The following PRKAA2 variants were observed in gnomAD, a reference collection of about 807,000 sequenced individuals.
The protein encoded by PRKAA2 is protein kinase AMP-activated catalytic subunit alpha 2.
A neutral mutation model predicts 56.3 loss-of-function variants in PRKAA2; 40 were observed. The observed-to-expected ratio is 0.71, with a 90% CI of 0.55 to 0.92. The LOEUF (loss-of-function observed/expected upper bound fraction) is 0.92, where lower values mean the gene tolerates loss of function less well. Among genes scored for constraint, PRKAA2 ranks in the 40% least tolerant of loss-of-function variants. The pLI, the probability that PRKAA2 is intolerant of heterozygous loss-of-function variation, is 0.00. For missense variants in PRKAA2, 542 were observed against 686.9 expected (o/e 0.79, Z 2.36); for synonymous variants, 214 against 234.2 (o/e 0.91, Z 0.79).
At chr1:56,697,133 G>A (rs551088588) in intron 6 of PRKAA2, among the ~76,000 whole-genome samples, 1 of 149,780 alleles carries the variant, frequency 6.7e-6, no homozygotes, top group South Asian at 2.1e-4. Flanking sequence ...CCCACCCCAG[G>A]CTCCTGAGTA....
rs751033616 is a variant in PRKAA2 at position 56,707,515 on chromosome 1, G to A, written c.1461G>A (p.Gln487=). ...VEQRSGSSTP[Q]RSCSAAGLHR... Reference sequence around the variant, plus strand: ...AGAGATCTGGTTCCTCAACACCTCAGCGTTCCTGTTCTGCTGCTGGCTTAC... The same window carrying A: ...AGAGATCTGGTTCCTCAACACCTCAACGTTCCTGTTCTGCTGCTGGCTTAC... The change falls in exon 9 of 9, where the codon CAG becomes CAA. Residue 487 remains glutamine (Q), a synonymous_variant. Transcript: ENST00000371244. 3 of 1,614,030 alleles carry A rather than the reference G, an allele frequency of 1.9e-6. No individual in the cohort carries two copies. In the African/African-American group the frequency reaches 4.0e-5, roughly 22 times the overall value.
chr1:56,646,595 T>C (rs1646644676), intron 1 of PRKAA2, among the ~76,000 whole-genome samples: 1 of 152,260 alleles, frequency 6.6e-6, no homozygotes, highest in Non-Finnish European at 1.5e-5. Context: ...CAGTTGTTTA[T>C]TAAAAATACT....
At chr1:56,650,429 G>A (rs1646678140) in intron 1 of PRKAA2, among the ~76,000 whole-genome samples, 1 of 152,218 alleles carries the variant, frequency 6.6e-6, no homozygotes, top group East Asian at 1.9e-4. Flanking sequence ...CTCACTCTGG[G>A]TAGGGTAAAA....
chr1:56,655,762 A>G (rs1643936874), intron 1 of PRKAA2, among the ~76,000 whole-genome samples: 2 of 152,174 alleles, frequency 1.3e-5, no homozygotes, highest in Non-Finnish European at 2.9e-5. Context: ...TGGAGTTCGC[A>G]GTTTATCAAG....
chr1:56,702,014 C>T (rs1181988224), intron 6 of PRKAA2, among the ~76,000 whole-genome samples: 1 of 151,984 alleles, frequency 6.6e-6, no homozygotes, highest in Non-Finnish European at 1.5e-5. Context: ...TACATATCCT[C>T]AGGGCCTGGC....
chr1:56,692,406 G>A lies in PRKAA2; in HGVS notation c.379G>A (p.Val127Met). 6.2e-7 allele frequency: 1 copy of A among 1,614,072 alleles called. No homozygotes were observed. Residue 127 changes from valine (V) to methionine (M), a missense_variant, in exon 4 of 9, where the codon GTG (valine) becomes ATG (methionine). This residue lies in a region of PRKAA2 where 121 missense variants were observed against 210.0 expected (regional missense o/e 0.58). Transcript: ENST00000371244. ...RRLFQQILSA[V>M]DYCHRHMVVH... The stretch of plus-strand genomic sequence containing the variant: ...GCTCTTTCAGCAGATTCTGTCTGCT[G>A]TGGATTACTGTCATAGGCATATGGT...
chr1:56,681,285 A>G (rs1203294257), intron 2 of PRKAA2, among the ~76,000 whole-genome samples: 1 of 151,914 alleles, frequency 6.6e-6, no homozygotes, highest in Non-Finnish European at 1.5e-5. Context: ...GATTGCAAAA[A>G]TTTTCTCCCA....
chr1:56,659,200 GA>G (rs1643973095), intron 1 of PRKAA2, among the ~76,000 whole-genome samples: 1 of 151,570 alleles, frequency 6.6e-6, no homozygotes, highest in African/African-American at 2.4e-5. Context: ...AAATTTTAAA[GA>G]AGTATTTTAT....
chr1:56,697,036 G>C (rs1183957757), intron 6 of PRKAA2, among the ~76,000 whole-genome samples: 1 of 496 alleles, frequency 2.0e-3, no homozygotes. Flanking sequence ...TTAAGGCAGG[G>C]TCTCACTCTG....
intron 1 of PRKAA2, among the ~76,000 whole-genome samples, chr1:56,650,921 C>T (rs536031480): frequency 1.5e-3 from 229 of 152,160 alleles, no homozygotes; most frequent in Non-Finnish European, 2.1e-3. Context: ...AAAAGTGTTA[C>T]CTTATTTTGA....
intron 2 of PRKAA2, among the ~76,000 whole-genome samples, chr1:56,684,509 A>G (rs1644178032): frequency 6.6e-6 from 1 of 152,058 alleles, no homozygotes; most frequent in African/African-American, 2.4e-5. Context: ...ACATGTCTGA[A>G]AAATGAGGAG....
In PRKAA2 at chr1:56,676,474, A is replaced by T. The variant is rs180719161; in HGVS notation, c.236+1952A>T. On this transcript the variant is annotated intron_variant, in intron 2 of 8. Coordinates refer to ENST00000371244, the MANE Select transcript of PRKAA2 (RefSeq NM_006252.4). ...CTCTACAAGCTGGGAAATGCAAAGAAATTCTGCCCCAGAGCCTTCAGAAGG... is the reference window on the plus strand; with the variant it reads ...CTCTACAAGCTGGGAAATGCAAAGATATTCTGCCCCAGAGCCTTCAGAAGG... Among the ~76,000 whole-genome samples the T allele has an allele frequency of 2.0e-5, 3 of 152,314 alleles. No homozygotes were observed. The East Asian group carries it at 5.8e-4, about 29-fold the overall frequency.
chr1:56,680,826 C>A (rs1644148454), intron 2 of PRKAA2, among the ~76,000 whole-genome samples: 1 of 152,158 alleles, frequency 6.6e-6, no homozygotes, highest in Non-Finnish European at 1.5e-5. Context: ...CATACGTGTG[C>A]ATGTGTCTTT....
At chr1:56,661,537 G>A (rs550479160) in intron 1 of PRKAA2, among the ~76,000 whole-genome samples, 1 of 152,022 alleles carries the variant, frequency 6.6e-6, no homozygotes, top group Non-Finnish European at 1.5e-5. Context: ...ATATAGTATT[G>A]CATTAAGACT....
chr1:56,701,499 A>AT lies in PRKAA2; in HGVS notation c.789-2466dup, dbSNP rs547821013. Among the ~76,000 whole-genome samples the AT allele has an allele frequency of 3.1e-3, 474 of 152,256 alleles. 1 individual carries two copies. The highest frequency in any genetic ancestry group is 0.011 in the African/African-American group (459 of 41,546). ...TAGCCAATAAACACATGAATGAATTATTTTTTGTGTCCATACTTTGTCTAT... is the reference window on the plus strand; with the variant it reads ...TAGCCAATAAACACATGAATGAATTATTTTTTTGTGTCCATACTTTGTCTAT... On this transcript the variant is annotated intron_variant, in intron 6 of 8. Transcript: ENST00000371244.
intron 1 of PRKAA2, among the ~76,000 whole-genome samples, chr1:56,664,846 G>A (rs183914821): frequency 0.036 from 4,591 of 128,868 alleles, 208 homozygotes; most frequent in African/African-American, 0.12. Context: ...GTATGCATAA[G>A]TATATGTGTA....
At chr1:56,648,552 C>G (rs1455881926) in intron 1 of PRKAA2, among the ~76,000 whole-genome samples, 1 of 152,182 alleles carries the variant, frequency 6.6e-6, no homozygotes, top group Admixed American at 6.5e-5. Context: ...TGTTTTCATA[C>G]ACCTTGGGTA....
At chr1:56,658,910 T>C (rs1643969187) in intron 1 of PRKAA2, among the ~76,000 whole-genome samples, 1 of 151,854 alleles carries the variant, frequency 6.6e-6, no homozygotes, top group South Asian at 2.1e-4. Context: ...AACTCCTGCC[T>C]TCTCTTCCTG....
chr1:56,681,561 A>T (rs908592498), intron 2 of PRKAA2, among the ~76,000 whole-genome samples: 1 of 152,220 alleles, frequency 6.6e-6, no homozygotes, highest in African/African-American at 2.4e-5. Flanking sequence ...GTCCAGTTTC[A>T]GCTTTCTACA....
Sources: allele counts gnomAD v4.1 joint callset (sites outside exome capture counted in the v4.1 genomes callset), GRCh38; gene constraint gnomAD v4.1.1; regional missense constraint gnomAD v4.1.1; transcripts MANE v1.5; gene names NCBI Gene and HGNC (gene_info 2026-07-23, HGNC 2026-07-21).